USP19: variants seen among roughly 807,000 people sequenced by gnomAD.
USP19 encodes the protein ubiquitin carboxyl-terminal hydrolase 19.
A neutral mutation model predicts 144.8 loss-of-function variants in USP19; 40 were observed. The observed-to-expected ratio is 0.28, with a 90% CI of 0.21 to 0.36. The LOEUF is 0.36. Among genes scored for constraint, USP19 ranks in the 10% least tolerant of loss-of-function variants. The pLI is 1.00. For synonymous variants in USP19, 701 were observed against 709.3 expected, an observed-to-expected ratio of 0.99 and a Z score of 0.19; for missense variants, 1,518 against 1,822.5, an observed-to-expected ratio of 0.83 and a Z score of 3.04.
chr3:49,115,745 C>A lies in USP19; in HGVS notation c.1671G>T (p.Lys557Asn). The A allele has an allele frequency of 6.2e-7, 1 of 1,611,968 alleles. No homozygotes were observed. Among genetic ancestry groups the A allele is most frequent in the Non-Finnish European group, 8.5e-7 (1 of 1,178,480 alleles). ...TRTPMEHVTP[K>N]PETHLASPKP... is the part of the protein sequence containing the mutation. Reference sequence around the variant, plus strand: ...TCACCGAGGCCAGGTGTGTCTCTGGCTTTGGGGTTACATGCTCCATGGGTG... The same window carrying A: ...TCACCGAGGCCAGGTGTGTCTCTGGATTTGGGGTTACATGCTCCATGGGTG... The change falls in exon 11 of 27, where the codon AAG becomes AAT. Residue 557 changes from lysine (K) to asparagine (N), a missense_variant. By Grantham distance (94) the Lys-to-Asn change is moderately conservative. Around this residue, in one of 5 missense-constraint regions of USP19, gnomAD observed 707 missense variants for 728.9 expected, o/e 0.97. Coordinates refer to ENST00000417901, the MANE Select transcript of USP19 (RefSeq NM_001199161.2). This position sits in a 1 kb window ranked among gnomAD's most constrained non-coding sequence, Gnocchi z 6.6.
Position 49,115,748 on chromosome 3 carries a change from T to C in USP19, c.1668A>G (p.Pro556=). 9.9e-6 allele frequency: 16 copies of C among 1,612,258 alleles called. No homozygotes were observed. The highest frequency in any genetic ancestry group is 1.4e-5 in the Non-Finnish European group (16 of 1,178,632). The change falls in exon 11 of 27, where the codon CCA becomes CCG. Residue 556 remains proline (P), a synonymous_variant. Transcript: ENST00000417901. This position sits in a 1 kb window ranked among gnomAD's most constrained non-coding sequence, Gnocchi z 6.6. ...CCGAGGCCAGGTGTGTCTCTGGCTTTGGGGTTACATGCTCCATGGGTGTGC... is the reference window on the plus strand; with the variant it reads ...CCGAGGCCAGGTGTGTCTCTGGCTTCGGGGTTACATGCTCCATGGGTGTGC... ...ATRTPMEHVT[P]KPETHLASPK...
In USP19 at chr3:49,115,568, T is replaced by G. The variant is rs746839770; in HGVS notation, c.1764A>C (p.Glu588Asp). Residue 588 changes from glutamate (E) to aspartate (D), a missense_variant, in exon 12 of 27, where the codon GAA becomes GAC. This residue lies in a region of USP19 where 158 missense variants were observed against 277.3 expected (regional missense o/e 0.57). Coordinates refer to ENST00000417901, the MANE Select transcript of USP19 (RefSeq NM_001199161.2). The surrounding 1 kb of genome is among the most constrained non-coding windows in gnomAD (Gnocchi z 6.6). ...PVSGDSVEEE[E>D]EEEKKVCLPG... The stretch of plus-strand genomic sequence containing the variant: ...GCAGACACACCTTCTTCTCTTCCTC[T>G]TCCTCCTCCTCCACGCTGTCTCCAC... The G allele has an allele frequency of 1.4e-5, 23 of 1,613,564 alleles. No homozygotes were observed. In the South Asian group the frequency reaches 2.5e-4, roughly 18 times the overall value.
chr3:49,114,149 C>T lies in USP19; in HGVS notation c.2403+25G>A. 1 of 1,614,090 alleles carries T rather than the reference C, an allele frequency of 6.2e-7. No homozygotes were observed. Among genetic ancestry groups the T allele is most frequent in the Non-Finnish European group, 8.5e-7 (1 of 1,179,940 alleles). ...GTGGGCCACGTTCTCTAGAACAGCC[C>T]AGAGGGTAGGGGCTTACTCCTCACC... is the stretch of plus-strand genomic sequence containing the variant. On this transcript the variant is annotated intron_variant, in intron 16 of 26. Coordinates refer to ENST00000417901, the MANE Select transcript of USP19 (RefSeq NM_001199161.2). The surrounding 1 kb of genome is among the most constrained non-coding windows in gnomAD (Gnocchi z 4.5).
In USP19 at chr3:49,116,954, C is replaced by T. The variant is rs1171642936; in HGVS notation, c.910-11G>A. ...TTCATCAGCCTCAACCTATTAATGG[C>T]AAGATTGTGGAAAGAATCAGCCCTG... is the stretch of plus-strand genomic sequence containing the variant. On this transcript the variant is annotated splice_polypyrimidine_tract_variant and intron_variant, in intron 6 of 26. Coordinates refer to ENST00000417901, the MANE Select transcript of USP19 (RefSeq NM_001199161.2). This position sits in a 1 kb window ranked among gnomAD's most constrained non-coding sequence, Gnocchi z 5.0. 6 of 1,611,266 alleles carry T rather than the reference C, an allele frequency of 3.7e-6. No homozygotes were observed. Among genetic ancestry groups the T allele is most frequent in the Non-Finnish European group, 5.1e-6 (6 of 1,178,588 alleles).
Position 49,111,147 on chromosome 3 carries a change from C to T in USP19, c.3348G>A (p.Leu1116=). 1 of 1,613,880 alleles carries T rather than the reference C, an allele frequency of 6.2e-7. No individual in the cohort carries two copies. Among genetic ancestry groups the T allele is most frequent in the Non-Finnish European group, 8.5e-7 (1 of 1,180,042 alleles). ...CGAGAGCCAGGCTACAGTCGTCACCCAGCTCCAGTGGGGTGTCTCCTGGAG... is the reference window on the plus strand; with the variant it reads ...CGAGAGCCAGGCTACAGTCGTCACCTAGCTCCAGTGGGGTGTCTCCTGGAG... ...LEDKGDTPLE[L]GDDCSLALVW... Residue 1116 remains leucine (L), a synonymous_variant, in exon 23 of 27, where the codon CTG becomes CTA. Coordinates refer to ENST00000417901, the MANE Select transcript of USP19 (RefSeq NM_001199161.2). This position sits in a 1 kb window ranked among gnomAD's most constrained non-coding sequence, Gnocchi z 5.9.
rs1252040771 is a variant in USP19, at chr3:49,108,575, G to T, written c.4039-47C>A. 3 of 1,249,428 alleles carry T rather than the reference G, an allele frequency of 2.4e-6. No individual in the cohort carries two copies. Among genetic ancestry groups the T allele is most frequent in the East Asian group, 3.3e-5 (1 of 29,966 alleles). 77.4% of individuals were successfully genotyped at this position (1,249,428 alleles called of 1,614,324 possible). ...GGGGTTGGGGGCTGCCCAGCATGCC[G>T]CCTGGCATCCCGGGGGTGCTGGCTT... is the stretch of plus-strand genomic sequence containing the variant. On this transcript the variant is annotated intron_variant, in intron 26 of 26. Transcript: ENST00000417901. This position sits in a 1 kb window ranked among gnomAD's most constrained non-coding sequence, Gnocchi z 4.8.
Position 49,114,367 on chromosome 3 carries a change from T to C in USP19, c.2293-83A>G, listed in dbSNP as rs1173829603. 1 of 1,364,706 alleles carries C rather than the reference T, an allele frequency of 7.3e-7. No individual in the cohort carries two copies. Among genetic ancestry groups the C allele is most frequent in the Admixed American group, 2.0e-5 (1 of 50,892 alleles). The allele number at this position is 1,364,706 out of a possible 1,614,324, so 84.5% of individuals were successfully genotyped here. On this transcript the variant is annotated intron_variant, in intron 15 of 26. Coordinates refer to ENST00000417901, the MANE Select transcript of USP19 (RefSeq NM_001199161.2). The surrounding 1 kb of genome is among the most constrained non-coding windows in gnomAD (Gnocchi z 4.5). ...ATGCTCAGAGAGCCCATTCCGGGGC[T>C]TCTGATGGCTCTCAGGGCCCCCACA... is the stretch of plus-strand genomic sequence containing the variant.
intron 1 of USP19, among the ~76,000 whole-genome samples, chr3:49,120,035 CT>C (rs762173343): frequency 6.6e-6 from 1 of 152,206 alleles, no homozygotes; most frequent in Non-Finnish European, 1.5e-5. Context: ...TCCCAGATGC[CT>C]TCACTCATGA....
chr3:49,113,593 T>C (rs1453461742), intron 17 of USP19, among the ~76,000 whole-genome samples: 1 of 150,228 alleles, frequency 6.7e-6, no homozygotes, highest in South Asian at 2.1e-4. Flanking sequence ...TTTATTTTTT[T>C]ATCTATTTAT....
At chr3:49,118,296 G>A (rs1265154029) in intron 2 of USP19, among the ~76,000 whole-genome samples, 176 bp from the exon 3 acceptor site, 1 of 151,274 alleles carries the variant, frequency 6.6e-6, no homozygotes, top group Admixed American at 6.6e-5. Context: ...GGACAGGCAC[G>A]GTGGTTCACG....
At position 49,108,527 on chromosome 3, in the gene USP19, C is replaced by T. The variant is rs1457151754; in HGVS notation, c.4040G>A (p.Gly1347Glu). The T allele has an allele frequency of 8.0e-7, 1 of 1,253,146 alleles. No homozygotes were observed. Among genetic ancestry groups the T allele is most frequent in the Non-Finnish European group, 1.0e-6 (1 of 978,080 alleles). The allele number at this position is 1,253,146 out of a possible 1,614,324, so 77.6% of individuals were successfully genotyped here. A position where few individuals can be genotyped will look rare whatever the true frequency, so the allele number is the denominator to read the frequency against. Residue 1347 changes from glycine (G) to glutamate (E), a missense_variant and splice_region_variant, in exon 27 of 27, where the codon GGA becomes GAA. By Grantham distance (98) the Gly-to-Glu change is moderately conservative. Coordinates refer to ENST00000417901, the MANE Select transcript of USP19 (RefSeq NM_001199161.2). The surrounding 1 kb of genome is among the most constrained non-coding windows in gnomAD (Gnocchi z 4.8). ...CTCGGGGGCCTGGCCAGGGCCTAGT[C>T]CCTGCAACAGAATACGAGGACAGGG... ...GPAAEAAASQ[G>E]LGPGQAPEVA...
chr3:49,108,913 G>A lies in USP19; in HGVS notation c.4039-385C>T. 2.5e-6 allele frequency: 4 copies of A among 1,569,534 alleles called. No individual in the cohort carries two copies. The South Asian group carries it at 4.7e-5, about 19-fold the overall frequency. On this transcript the variant is annotated intron_variant, in intron 26 of 26. Coordinates refer to ENST00000417901, the MANE Select transcript of USP19 (RefSeq NM_001199161.2). The surrounding 1 kb of genome is among the most constrained non-coding windows in gnomAD (Gnocchi z 4.8). The stretch of plus-strand genomic sequence containing the variant: ...CCACAACAAAGGCAGGCATGGCCTG[G>A]GGCAGGCAGGTAGGCCAGCTCACAG...
Position 49,115,938 on chromosome 3 carries a change from A to C in USP19, c.1478T>G (p.Val493Gly). 1 of 1,554,560 alleles carries C rather than the reference A, an allele frequency of 6.4e-7. No homozygotes were observed. The highest frequency in any genetic ancestry group is 8.7e-7 in the Non-Finnish European group (1 of 1,152,654). The change falls in exon 11 of 27, where the codon GTG becomes GGG. Residue 493 changes from valine to glycine, a missense_variant. This residue lies in a region of USP19 where 707 missense variants were observed against 728.9 expected (regional missense o/e 0.97). Coordinates refer to ENST00000417901, the MANE Select transcript of USP19 (RefSeq NM_001199161.2). The surrounding 1 kb of genome is among the most constrained non-coding windows in gnomAD (Gnocchi z 6.6). Reference sequence around the variant, plus strand: ...CGGCACGGCAACCTTTGCACCACCCACTGCACCTTAAAAAGGGGGAATGAG... The same window carrying C: ...CGGCACGGCAACCTTTGCACCACCCCCTGCACCTTAAAAAGGGGGAATGAG... ...GLEAPAARGA[V>G]GGAKVAVPTG...
At position 49,108,460 on chromosome 3, in the gene USP19, A is replaced by C; in HGVS notation, c.4107T>G (p.Pro1369=). 1.5e-6 allele frequency: 2 copies of C among 1,346,680 alleles called. No homozygotes were observed. Among genetic ancestry groups the C allele is most frequent in the Non-Finnish European group, 1.9e-6 (2 of 1,037,250 alleles). 83.4% of individuals were successfully genotyped at this position (1,346,680 alleles called of 1,614,324 possible). ...TRTAPERFAP[P]VDRPAPTYSN... ...TGTAGGTGGGGGCTGGCCGATCCAC[A>C]GGGGGGGCGAAGCGTTCAGGGGCTG... The change falls in exon 27 of 27, where the codon CCT becomes CCG. Residue 1369 remains proline, a synonymous_variant. Coordinates refer to ENST00000417901, the MANE Select transcript of USP19 (RefSeq NM_001199161.2). This position sits in a 1 kb window ranked among gnomAD's most constrained non-coding sequence, Gnocchi z 4.8.
At position 49,112,130 on chromosome 3, in the gene USP19, G is replaced by C; in HGVS notation, c.2766-82C>G. On this transcript the variant is annotated intron_variant, in intron 19 of 26. Coordinates refer to ENST00000417901, the MANE Select transcript of USP19 (RefSeq NM_001199161.2). This position sits in a 1 kb window ranked among gnomAD's most constrained non-coding sequence, Gnocchi z 4.9. ...ACTGGGGGCTAGTCATAGTCCCTGG[G>C]AACTGGGTACGCCAGCCCTGCCTCC... is the stretch of plus-strand genomic sequence containing the variant. 6.4e-7 allele frequency: 1 copy of C among 1,572,048 alleles called. No individual in the cohort carries two copies. The highest frequency in any genetic ancestry group is 2.3e-5 in the East Asian group (1 of 43,946).
In USP19 at chr3:49,112,418, T is replaced by G; in HGVS notation, c.2647-16A>C. The stretch of plus-strand genomic sequence containing the variant: ...CCTGGGGGCGCTAGGGTGGGTCGTC[T>G]GGCTCAGCAAGACCAGGAAGAAGTG... On this transcript the variant is annotated splice_polypyrimidine_tract_variant and intron_variant, in intron 18 of 26. Transcript: ENST00000417901. The surrounding 1 kb of genome is among the most constrained non-coding windows in gnomAD (Gnocchi z 4.9). 6.2e-7 allele frequency: 1 copy of G among 1,613,964 alleles called. No individual in the cohort carries two copies. The highest frequency in any genetic ancestry group is 8.5e-7 in the Non-Finnish European group (1 of 1,179,936).
chr3:49,117,074 A>T lies in USP19; in HGVS notation c.894T>A (p.Ala298=). 1.3e-6 allele frequency: 2 copies of T among 1,516,778 alleles called. No individual in the cohort carries two copies. Among genetic ancestry groups the T allele is most frequent in the Middle Eastern group, 1.7e-4 (1 of 5,796 alleles). The allele number at this position is 1,516,778 out of a possible 1,614,324, so 94.0% of individuals were successfully genotyped here. Residue 298 remains alanine (A), a synonymous_variant, in exon 6 of 27, where the codon GCT becomes GCA. Coordinates refer to ENST00000417901, the MANE Select transcript of USP19 (RefSeq NM_001199161.2). The surrounding 1 kb of genome is among the most constrained non-coding windows in gnomAD (Gnocchi z 4.4). ...GPRGDAPPFV[A]DPATQVEADE... ...CAGCTCTCACCTGGGTGGCTGGGTC[A>T]GCCACGAAGGGTGGGGCATCACCCC...
At position 49,115,796 on chromosome 3, in the gene USP19, T is replaced by G. The variant is rs773972256; in HGVS notation, c.1620A>C (p.Thr540=). 3 of 1,613,990 alleles carry G rather than the reference T, an allele frequency of 1.9e-6. No homozygotes were observed. The East Asian group carries it at 6.7e-5, about 36-fold the overall frequency. ...TGCGGGTTGCCACACTGTCTAGCCCTGTGTCCTCAGATCGTGCCTTGGATT... is the reference window on the plus strand; with the variant it reads ...TGCGGGTTGCCACACTGTCTAGCCCGGTGTCCTCAGATCGTGCCTTGGATT... ...KDKSKARSED[T]GLDSVATRTP... is the part of the protein sequence containing the mutation. The change falls in exon 11 of 27, where the codon ACA becomes ACC. Residue 540 remains threonine (T), a synonymous_variant. Transcript: ENST00000417901. The surrounding 1 kb of genome is among the most constrained non-coding windows in gnomAD (Gnocchi z 6.6).
chr3:49,114,361 C>A lies in USP19; in HGVS notation c.2293-77G>T. ...ATGCTCATGCTCAGAGAGCCCATTC[C>A]GGGGCTTCTGATGGCTCTCAGGGCC... On this transcript the variant is annotated intron_variant, in intron 15 of 26. Coordinates refer to ENST00000417901, the MANE Select transcript of USP19 (RefSeq NM_001199161.2). This position sits in a 1 kb window ranked among gnomAD's most constrained non-coding sequence, Gnocchi z 4.5. 1 of 1,431,140 alleles carries A rather than the reference C, an allele frequency of 7.0e-7. No individual in the cohort carries two copies. The highest frequency in any genetic ancestry group is 9.7e-7 in the Non-Finnish European group (1 of 1,033,132). 88.7% of individuals were successfully genotyped at this position (1,431,140 alleles called of 1,614,324 possible). A position where few individuals can be genotyped will look rare whatever the true frequency, so the allele number is the denominator to read the frequency against.
Sources: gnomAD v4.1 joint callset for allele counts (sites outside exome capture counted in the v4.1 genomes callset) on GRCh38, gnomAD v4.1.1 for gene constraint, gnomAD v4.1.1 regional missense constraint, Gnocchi (gnomAD v3.1) non-coding constraint, MANE v1.5 for transcripts, NCBI Gene and HGNC (gene_info 2026-07-23, HGNC 2026-07-21) for gene names.